The following CORIN variants were observed in gnomAD, a reference collection of about 807,000 sequenced individuals.
CORIN encodes corin, serine peptidase, also known as atrial natriuretic peptide-converting enzyme.
Under a neutral mutation model 125.3 loss-of-function variants are expected in CORIN, and 117 were observed. The observed-to-expected ratio is 0.93, with a 90% confidence interval of 0.80 to 1.09. CORIN has a LOEUF of 1.09. Ranked by LOEUF, CORIN falls within the 50% of genes least tolerant of loss-of-function variation. CORIN has a pLI of 0.00. For missense variants in CORIN, 1,253 were observed against 1,306.7 expected, an observed-to-expected ratio of 0.96 and a Z score of 0.63; for synonymous variants, 450 against 466.4, an observed-to-expected ratio of 0.96 and a Z score of 0.45.
At chr4:47,769,578 C>G (rs946448828) in intron 3 of CORIN, among the ~76,000 whole-genome samples, 4 of 151,692 alleles carry the variant, frequency 2.6e-5, no homozygotes, top group African/African-American at 7.3e-5. Context: ...AAAAATTGAG[C>G]GAAAAGAAAA....
chr4:47,767,904 A>G (rs1270558605), intron 3 of CORIN, among the ~76,000 whole-genome samples: 1 of 152,184 alleles, frequency 6.6e-6, no homozygotes, highest in Non-Finnish European at 1.5e-5. Context: ...ACAGCCCAAT[A>G]ATGAGAAAGG....
chr4:47,668,992 G>C (rs1296356226), intron 10 of CORIN, among the ~76,000 whole-genome samples: 1 of 152,214 alleles, frequency 6.6e-6, no homozygotes, highest in African/African-American at 2.4e-5. Flanking sequence ...TTAAGCATTA[G>C]GCTCATGTGT....
At chr4:47,614,188 C>A (rs1050984712) in intron 19 of CORIN, among the ~76,000 whole-genome samples, 3 of 152,018 alleles carry the variant, frequency 2.0e-5, no homozygotes, top group African/African-American at 7.2e-5. Context: ...CCCCCAATTT[C>A]TTTTTTTGTT....
chr4:47,605,049 C>G (rs184248358), intron 19 of CORIN, among the ~76,000 whole-genome samples: 5 of 152,214 alleles, frequency 3.3e-5, no homozygotes, highest in Admixed American at 6.5e-5. Context: ...CCCTGATGTT[C>G]CCCCAGCTCT....
intron 5 of CORIN, among the ~76,000 whole-genome samples, chr4:47,710,925 T>C (rs532135152): frequency 6.6e-6 from 1 of 152,340 alleles, no homozygotes; most frequent in South Asian, 2.1e-4. Flanking sequence ...TTATTAAGAA[T>C]TTTAAGGCAG....
At chr4:47,742,781 A>G (rs1243799652) in intron 5 of CORIN, among the ~76,000 whole-genome samples, 2 of 152,096 alleles carry the variant, frequency 1.3e-5, no homozygotes, top group Middle Eastern at 3.2e-3. Flanking sequence ...ATTAAACGCA[A>G]AGGGCCAAAA....
At chr4:47,780,044 T>G (rs1730470715) in intron 3 of CORIN, among the ~76,000 whole-genome samples, 1 of 152,114 alleles carries the variant, frequency 6.6e-6, no homozygotes, top group Non-Finnish European at 1.5e-5. Flanking sequence ...GGGGAAATGG[T>G]TGAAATAAAT....
chr4:47,728,907 A>G (rs1290054688), intron 5 of CORIN, among the ~76,000 whole-genome samples: 1 of 152,258 alleles, frequency 6.6e-6, no homozygotes, highest in Non-Finnish European at 1.5e-5. Context: ...GAATGAATGC[A>G]GATGAGGAAA....
At chr4:47,643,081 C>G (rs1723302480) in intron 15 of CORIN, 65 bp downstream of exon 15, 2 of 1,612,336 alleles carry the variant, frequency 1.2e-6, no homozygotes, top group Admixed American at 3.3e-5. Flanking sequence ...AATTTAGGAT[C>G]CATTCAGCTT....
At chr4:47,786,636 G>T in intron 3 of CORIN, 89 bp downstream of exon 3, 2 of 950,892 alleles carry the variant, frequency 2.1e-6, no homozygotes, top group Non-Finnish European at 1.6e-6. Flanking sequence ...ACCGGCAAGT[G>T]ATTGTGAACT....
At chr4:47,605,837 C>A (rs1416872247) in intron 19 of CORIN, among the ~76,000 whole-genome samples, 1 of 152,112 alleles carries the variant, frequency 6.6e-6, no homozygotes, top group East Asian at 1.9e-4. Flanking sequence ...GCACGCCTTT[C>A]TTTACCATCA....
intron 2 of CORIN, among the ~76,000 whole-genome samples, chr4:47,804,541 A>T (rs1731681700): frequency 6.6e-6 from 1 of 152,066 alleles, no homozygotes. Flanking sequence ...AGGATTAGAT[A>T]CTGTCATTTT....
intron 8 of CORIN, among the ~76,000 whole-genome samples, chr4:47,678,749 A>C (rs1221565939): frequency 3.9e-4 from 59 of 152,186 alleles, no homozygotes; most frequent in Admixed American, 3.9e-3. Context: ...CCCATGGATC[A>C]TGTGACCTCA....
intron 5 of CORIN, among the ~76,000 whole-genome samples, chr4:47,715,044 A>T (rs6813519): frequency 0.17 from 26,454 of 152,204 alleles, 2,980 homozygotes; most frequent in Non-Finnish European, 0.25. Context: ...AGAAAGCAGG[A>T]GGAGACTCAA....
At chr4:47,793,325 T>C (rs892657755) in intron 2 of CORIN, among the ~76,000 whole-genome samples, 1 of 152,078 alleles carries the variant, frequency 6.6e-6, no homozygotes, top group East Asian at 1.9e-4. Context: ...GAATGATGAA[T>C]GGACTAATGG....
rs576281389 is a variant in CORIN, at chr4:47,616,270, T to A, written c.2540+7301A>T. ...TATTCAAGTATATTCATATTAATAT[T>A]CACATACTTTATATTCATATTAATA... On this transcript the variant is annotated intron_variant, in intron 19 of 21. Coordinates refer to ENST00000273857, the MANE Select transcript of CORIN (RefSeq NM_006587.4). 3.9e-5 allele frequency among the ~76,000 whole-genome samples: 6 copies of A among 152,238 alleles called. No homozygotes were observed. In the East Asian group the frequency reaches 1.2e-3, roughly 29 times the overall value.
At chr4:47,680,113 G>A in intron 8 of CORIN, 28 bp downstream of exon 8, 1 of 1,486,984 alleles carries the variant, frequency 6.7e-7, no homozygotes, top group Admixed American at 1.7e-5. Flanking sequence ...GGAAAAATAA[G>A]CAAAACAAAC....
At position 47,688,854 on chromosome 4, in the gene CORIN, G is replaced by C. The variant is rs563122474; in HGVS notation, c.913+4116C>G. Among the ~76,000 whole-genome samples the C allele has an allele frequency of 2.6e-5, 4 of 152,234 alleles. No individual in the cohort carries two copies. The South Asian group carries it at 8.3e-4, about 32-fold the overall frequency. On this transcript the variant is annotated intron_variant, in intron 6 of 21. Coordinates refer to ENST00000273857, the MANE Select transcript of CORIN (RefSeq NM_006587.4). ...ATTTAGTACTTCTTCCATAAGCATA[G>C]AGTTTTTTTATTTTTATAATTTTGA...
intron 1 of CORIN, among the ~76,000 whole-genome samples, chr4:47,823,064 C>T (rs1371717821): frequency 1.3e-5 from 2 of 152,190 alleles, no homozygotes; most frequent in African/African-American, 2.4e-5. Flanking sequence ...CTGTCCGCCT[C>T]GGCCTCCCAA....
Sources: allele counts gnomAD v4.1 joint callset (sites outside exome capture counted in the v4.1 genomes callset), GRCh38; gene constraint gnomAD v4.1.1; transcripts MANE v1.5; gene names NCBI Gene and HGNC (gene_info 2026-07-23, HGNC 2026-07-21).